The following RPS6KC1 variants were observed in gnomAD, a reference collection of about 807,000 sequenced individuals.
RPS6KC1 encodes inactive ribosomal protein S6 kinase delta-1.
In RPS6KC1, 54 loss-of-function variants were observed where a neutral mutation model predicts 103.8. The observed-to-expected ratio is 0.52, with a 90% CI of 0.42 to 0.65. The LOEUF is 0.65. RPS6KC1 is among the 30% of genes least tolerant of loss of function. The pLI, the probability that RPS6KC1 is intolerant of heterozygous loss-of-function variation, is 0.00. For missense variants in RPS6KC1, 1,151 were observed against 1,253.8 expected (o/e 0.92, Z 1.24); for synonymous variants, 439 against 438.7 (o/e 1.00, Z -0.01).
intron 6 of RPS6KC1, among the ~76,000 whole-genome samples, chr1:213,153,392 A>G (rs1295179538): frequency 6.6e-6 from 1 of 152,176 alleles, no homozygotes; most frequent in Non-Finnish European, 1.5e-5. Flanking sequence ...GCTTGCAAAT[A>G]TATCTTGTAA....
chr1:213,056,514 A>G (rs2077343786), intron 1 of RPS6KC1, among the ~76,000 whole-genome samples: 2 of 152,256 alleles, frequency 1.3e-5, no homozygotes, highest in African/African-American at 4.8e-5. Flanking sequence ...GGATACGTGA[A>G]TAATAAGTAA....
chr1:213,278,775 C>G (rs759492711), downstream of RPS6KC1, among the ~76,000 whole-genome samples: 2 of 152,156 alleles, frequency 1.3e-5, no homozygotes, highest in Non-Finnish European at 2.9e-5. Flanking sequence ...TTATAAAGTA[C>G]AACTGGAGTA....
chr1:213,094,091 C>A (rs961624748), intron 3 of RPS6KC1, among the ~76,000 whole-genome samples: 2 of 151,602 alleles, frequency 1.3e-5, no homozygotes, highest in Non-Finnish European at 2.9e-5. Flanking sequence ...ATGCTCCCCC[C>A]CCCCACCAAG....
chr1:213,420,481 C>T, the RPS6KC1 span, among the ~76,000 whole-genome samples: 1 of 152,158 alleles, frequency 6.6e-6, no homozygotes, highest in Admixed American at 6.5e-5. Flanking sequence ...ACAATGCTTA[C>T]AGACAAGACA....
the RPS6KC1 span, among the ~76,000 whole-genome samples, chr1:213,381,540 C>G: frequency 2.0e-5 from 3 of 151,908 alleles, no homozygotes; most frequent in Non-Finnish European, 4.4e-5. Context: ...CTGAAATGCA[C>G]CTTAAGAGCA....
the RPS6KC1 span, among the ~76,000 whole-genome samples, chr1:213,301,635 G>C: frequency 2.0e-5 from 3 of 152,112 alleles, no homozygotes; most frequent in Admixed American, 6.5e-5. Flanking sequence ...GAAGTTCCAG[G>C]CTGCAGTGAG....
chr1:213,154,357 A>G (rs1237938577), intron 6 of RPS6KC1, among the ~76,000 whole-genome samples: 7 of 152,360 alleles, frequency 4.6e-5, no homozygotes, highest in East Asian at 1.9e-4. Flanking sequence ...AAGTCTCCCA[A>G]TCCCTTCGTG....
intron 6 of RPS6KC1, among the ~76,000 whole-genome samples, chr1:213,157,814 T>C (rs548001345): frequency 6.6e-6 from 1 of 152,318 alleles, no homozygotes; most frequent in Non-Finnish European, 1.5e-5. Context: ...TTTCCTTATT[T>C]CTGTCATTTT....
At chr1:213,126,513 G>T (rs1391794276) in intron 5 of RPS6KC1, among the ~76,000 whole-genome samples, 1 of 152,206 alleles carries the variant, frequency 6.6e-6, no homozygotes, top group Middle Eastern at 3.4e-3. Context: ...TGAGCTTAGT[G>T]GCCAGTAACA....
At chr1:213,262,933 C>G in intron 14 of RPS6KC1, 117 bp downstream of exon 14, 1 of 709,538 alleles carries the variant, frequency 1.4e-6, no homozygotes, top group South Asian at 1.6e-5. Flanking sequence ...TAACGTAAAA[C>G]AAAGACACGT....
the RPS6KC1 span, among the ~76,000 whole-genome samples, chr1:213,547,593 G>C: frequency 6.6e-6 from 1 of 152,222 alleles, no homozygotes; most frequent in African/African-American, 2.4e-5. Context: ...TTGGAGGTGG[G>C]GCCTGATGGG....
chr1:213,586,994 G>A, the RPS6KC1 span, among the ~76,000 whole-genome samples: 1 of 152,198 alleles, frequency 6.6e-6, no homozygotes, highest in Non-Finnish European at 1.5e-5. Context: ...ACCTTCGGGG[G>A]TGACTCACTT....
At chr1:213,282,865 A>G in the RPS6KC1 span, among the ~76,000 whole-genome samples, 28 of 152,374 alleles carry the variant, frequency 1.8e-4, no homozygotes, top group South Asian at 5.8e-3. Flanking sequence ...TGACCAGATT[A>G]CATATGCTTT....
chr1:213,807,838 G>A, the RPS6KC1 span, among the ~76,000 whole-genome samples: 1 of 152,190 alleles, frequency 6.6e-6, no homozygotes, highest in African/African-American at 2.4e-5. Context: ...ATCCTTTGGA[G>A]GAGAAGAGGT....
intron 7 of RPS6KC1, among the ~76,000 whole-genome samples, chr1:213,169,556 T>G (rs2091293089): frequency 6.6e-6 from 1 of 152,136 alleles, no homozygotes; most frequent in Non-Finnish European, 1.5e-5. Flanking sequence ...CCATTGAATT[T>G]TATCTTTTTA....
chr1:213,599,048 C>T, the RPS6KC1 span, among the ~76,000 whole-genome samples: 9 of 152,034 alleles, frequency 5.9e-5, no homozygotes, highest in South Asian at 8.3e-4. Flanking sequence ...AATCTAGTGA[C>T]GTCTTAGATT....
the RPS6KC1 span, among the ~76,000 whole-genome samples, chr1:213,290,988 C>T: frequency 1.3e-5 from 2 of 152,294 alleles, no homozygotes; most frequent in East Asian, 3.9e-4. Flanking sequence ...CTCCCGGCCA[C>T]GCCAAGAAAC....
At chr1:213,600,229 C>T in the RPS6KC1 span, among the ~76,000 whole-genome samples, 1 of 152,098 alleles carries the variant, frequency 6.6e-6, no homozygotes, top group African/African-American at 2.4e-5. Flanking sequence ...TTATAAGTTA[C>T]CCAGTCTCAG....
chr1:213,375,062 T>C, the RPS6KC1 span, among the ~76,000 whole-genome samples: 2 of 151,022 alleles, frequency 1.3e-5, no homozygotes, highest in East Asian at 1.9e-4. Context: ...CGTACACACA[T>C]ACACACACAT....
Sources: allele counts gnomAD v4.1 joint callset (sites outside exome capture counted in the v4.1 genomes callset), GRCh38; gene constraint gnomAD v4.1.1; transcripts MANE v1.5; gene names NCBI Gene and HGNC (gene_info 2026-07-23, HGNC 2026-07-21).